Variants in PAPOLA observed in about 807,000 individuals in gnomAD.
PAPOLA encodes the protein polynucleotide adenylyltransferase alpha.
A neutral mutation model predicts 100.6 loss-of-function variants in PAPOLA; 15 were observed. The observed-to-expected ratio is 0.15, with a 90% confidence interval of 0.10 to 0.23. The LOEUF (loss-of-function observed/expected upper bound fraction) is 0.23. PAPOLA is among the 10% of genes least tolerant of loss of function. The pLI, the probability that PAPOLA is intolerant of heterozygous loss-of-function variation, is 1.00. For synonymous variants in PAPOLA, 293 were observed against 300.0 expected (o/e 0.98, Z 0.24); for missense variants, 533 against 884.2 (o/e 0.60, Z 5.04).
intron 3 of PAPOLA, among the ~76,000 whole-genome samples, chr14:96,522,056 C>T (rs1171759648): frequency 1.3e-5 from 2 of 151,416 alleles, no homozygotes; most frequent in East Asian, 1.9e-4. Flanking sequence ...CCTTCCTTGG[C>T]CTCCCAAAGT....
intron 19 of PAPOLA, among the ~76,000 whole-genome samples, chr14:96,558,058 A>G (rs1352694481): frequency 6.6e-6 from 1 of 152,116 alleles, no homozygotes; most frequent in African/African-American, 2.4e-5. Flanking sequence ...AACTTAGAAG[A>G]TGTGTTCTGA....
chr14:96,552,592 G>C lies in PAPOLA; in HGVS notation c.1634G>C (p.Ser545Thr). 1 of 1,614,120 alleles carries C rather than the reference G, an allele frequency of 6.2e-7. No homozygotes were observed. The highest frequency in any genetic ancestry group is 1.1e-5 in the South Asian group (1 of 91,084). ...VPSPTSATKT[S>T]PLNSSGSSQG... ...TCACCTACTAGTGCTACGAAGACCA[G>C]TCCATTGAACAGTTCTGGCAGCTCT... The change falls in exon 17 of 22, where the codon AGT (serine) becomes ACT (threonine). Residue 545 changes from serine to threonine, a missense_variant. Physicochemically the swap from Ser to Thr is moderately conservative, Grantham distance 58 (BLOSUM62 1). This residue lies in a region of PAPOLA where 242 missense variants were observed against 281.0 expected (regional missense o/e 0.86). Transcript: ENST00000216277.
chr14:96,564,832 T>G, intron 21 of PAPOLA, 123 bp from the exon 22 acceptor site: 2 of 600,546 alleles, frequency 3.3e-6, no homozygotes, highest in African/African-American at 1.8e-5. Flanking sequence ...CATTATAGAG[T>G]TTTTAAATTT....
At chr14:96,520,483 C>G (rs1897860907) in intron 2 of PAPOLA, among the ~76,000 whole-genome samples, 1 of 152,164 alleles carries the variant, frequency 6.6e-6, no homozygotes, top group Non-Finnish European at 1.5e-5. Flanking sequence ...TCAAGCGATT[C>G]TCCTGCCTCA....
intron 6 of PAPOLA, among the ~76,000 whole-genome samples, chr14:96,530,166 A>T (rs1305177713): frequency 3.3e-5 from 5 of 152,154 alleles, no homozygotes; most frequent in Non-Finnish European, 7.4e-5. Context: ...ATTTGCCTAA[A>T]TTTGGGTACT....
chr14:96,515,368 A>G (rs73351189), intron 1 of PAPOLA, among the ~76,000 whole-genome samples: 2,285 of 152,252 alleles, frequency 0.015, 56 homozygotes, highest in African/African-American at 0.052. Flanking sequence ...GAATTCATAT[A>G]TGTACTATTA....
In PAPOLA at chr14:96,543,998, G is replaced by A. The variant is rs754689922; in HGVS notation, c.1290-151G>A. On this transcript the variant is annotated intron_variant, in intron 14 of 21. Transcript: ENST00000216277. ...AATATAGAGGACAGGTGTGGGTGAG[G>A]ACTTTGCGTTTTCATGGAGCTTGGG... is the stretch of plus-strand genomic sequence containing the variant. The A allele has an allele frequency of 7.4e-4, 451 of 605,536 alleles. 1 individual carries two copies. The highest frequency in any genetic ancestry group is 1.1e-3 in the Non-Finnish European group (380 of 337,538). 37.5% of individuals were successfully genotyped at this position (605,536 alleles called of 1,614,324 possible). A position where few individuals can be genotyped will look rare whatever the true frequency, so the allele number is the denominator to read the frequency against.
chr14:96,565,197 A>G lies in PAPOLA; in HGVS notation c.*147A>G. 1.7e-6 allele frequency: 1 copy of G among 577,962 alleles called. No homozygotes were observed. Among genetic ancestry groups the G allele is most frequent in the South Asian group, 2.2e-5 (1 of 44,560 alleles). 35.8% of individuals were successfully genotyped at this position (577,962 alleles called of 1,614,324 possible). ...GACCTCCCTTACTGGGCTAATCAGCACTTGATCGGAAGTCCAGGTTAGTAT... is the reference window on the plus strand; with the variant it reads ...GACCTCCCTTACTGGGCTAATCAGCGCTTGATCGGAAGTCCAGGTTAGTAT... On this transcript the variant is annotated 3_prime_UTR_variant, in exon 22 of 22. Transcript: ENST00000216277.
chr14:96,526,820 T>G (rs1387819161), intron 4 of PAPOLA: 1 of 152,608 alleles, frequency 6.6e-6, no homozygotes, highest in East Asian at 1.9e-4. Context: ...CCTCAGCATC[T>G]TGTCTTTTAG....
At chr14:96,539,277 A>G (rs776504508) in intron 12 of PAPOLA, among the ~76,000 whole-genome samples, 6 of 152,150 alleles carry the variant, frequency 3.9e-5, no homozygotes, top group Non-Finnish European at 8.8e-5. Flanking sequence ...CAGTAACCTT[A>G]AATTTGTTAA....
chr14:96,562,722 T>TC, intron 20 of PAPOLA, 97 bp from the exon 21 acceptor site: 1 of 699,486 alleles, frequency 1.4e-6, no homozygotes. Context: ...CCTCCTGTCT[T>TC]CCAGTTTGTC....
rs1406969026 is a variant in PAPOLA at position 96,535,861 on chromosome 14, G to C, written c.910-18G>C. ...GCATATGTACTTGAAGAAACTGATT[G>C]GCTGTTGTTGTATGTAGGTAAACCC... On this transcript the variant is annotated intron_variant, in intron 10 of 21. Transcript: ENST00000216277. 1.3e-6 allele frequency: 2 copies of C among 1,533,962 alleles called. No homozygotes were observed. The highest frequency in any genetic ancestry group is 2.6e-5 in the South Asian group (2 of 76,840).
chr14:96,564,154 A>G (rs1000018300), intron 21 of PAPOLA, among the ~76,000 whole-genome samples: 2 of 152,094 alleles, frequency 1.3e-5, no homozygotes, highest in Non-Finnish European at 2.9e-5. Context: ...TATTGTGGCT[A>G]TACCTAATAA....
At chr14:96,550,107 C>T (rs1388503073) in intron 16 of PAPOLA, among the ~76,000 whole-genome samples, 1 of 152,168 alleles carries the variant, frequency 6.6e-6, no homozygotes, top group African/African-American at 2.4e-5. Flanking sequence ...TATGATTATG[C>T]CATTGCACTT....
chr14:96,561,653 G>GT (rs898225632), intron 20 of PAPOLA, among the ~76,000 whole-genome samples: 3 of 152,212 alleles, frequency 2.0e-5, no homozygotes. Context: ...ATTCATTCAT[G>GT]TTTATTTACT....
intron 1 of PAPOLA, among the ~76,000 whole-genome samples, chr14:96,515,117 A>G (rs1897363792): frequency 6.6e-6 from 1 of 152,244 alleles, no homozygotes; most frequent in Non-Finnish European, 1.5e-5. Flanking sequence ...AAGAATCAGA[A>G]CTAGAATAGT....
At position 96,502,478 on chromosome 14, in the gene PAPOLA, G is replaced by C; in HGVS notation, c.-115G>C. The C allele has an allele frequency of 2.5e-6, 2 of 794,206 alleles. No individual in the cohort carries two copies. Among genetic ancestry groups the C allele is most frequent in the Non-Finnish European group, 2.1e-6 (1 of 477,334 alleles). 49.2% of individuals were successfully genotyped at this position (794,206 alleles called of 1,614,324 possible). ...CGGGAGCGGTGCGGGAGAGGGGTTGGACCCAGGGCTGAGGCAGGCCCCCCC... is the reference window on the plus strand; with the variant it reads ...CGGGAGCGGTGCGGGAGAGGGGTTGCACCCAGGGCTGAGGCAGGCCCCCCC... On this transcript the variant is annotated 5_prime_UTR_variant, in exon 1 of 22. Transcript: ENST00000216277.
At chr14:96,536,572 C>T (rs1238635819) in intron 11 of PAPOLA, among the ~76,000 whole-genome samples, 4 of 152,018 alleles carry the variant, frequency 2.6e-5, no homozygotes, top group Admixed American at 6.6e-5. Context: ...ATATTTTACA[C>T]TTTAGTTTCA....
Position 96,502,461 on chromosome 14 carries a change from G to A in PAPOLA, c.-132G>A. 1.4e-6 allele frequency: 1 copy of A among 727,312 alleles called. No homozygotes were observed. 45.1% of individuals were successfully genotyped at this position (727,312 alleles called of 1,614,324 possible). A position where few individuals can be genotyped will look rare whatever the true frequency, so the allele number is the denominator to read the frequency against. ...AGAAGCGCTTAAAGCGGCGGGAGCG[G>A]TGCGGGAGAGGGGTTGGACCCAGGG... On this transcript the variant is annotated 5_prime_UTR_variant, in exon 1 of 22. The change creates a new upstream start codon in the 5' untranslated region. Transcript: ENST00000216277.
Sources: gnomAD v4.1 joint callset for allele counts (sites outside exome capture counted in the v4.1 genomes callset) on GRCh38, gnomAD v4.1.1 for gene constraint, gnomAD v4.1.1 regional missense constraint, MANE v1.5 for transcripts, NCBI Gene and HGNC (gene_info 2026-07-23, HGNC 2026-07-21) for gene names.